LMX1A: variants seen among roughly 807,000 people sequenced by gnomAD.
The protein encoded by LMX1A is LIM homeobox transcription factor 1 alpha.
A neutral mutation model predicts 49.1 loss-of-function variants in LMX1A; 15 were observed. The observed-to-expected ratio is 0.31, with a 90% CI of 0.20 to 0.47. The LOEUF (loss-of-function observed/expected upper bound fraction) is 0.47. Among genes scored for constraint, LMX1A ranks in the 20% least tolerant of loss-of-function variants. The pLI is 1.00. For synonymous variants in LMX1A, 167 were observed against 185.7 expected (o/e 0.90, Z 0.82); for missense variants, 372 against 475.8 (o/e 0.78, Z 2.03).
chr1:165,232,073 CA>C (rs1034223531), intron 4 of LMX1A, among the ~76,000 whole-genome samples: 21 of 151,990 alleles, frequency 1.4e-4, no homozygotes, highest in African/African-American at 4.1e-4. Flanking sequence ...TACCCAAGGT[CA>C]AAAAAAGTGA....
chr1:165,211,415 T>C (rs928537869), intron 5 of LMX1A: 2 of 152,172 alleles, frequency 1.3e-5, no homozygotes, highest in African/African-American at 4.8e-5. Flanking sequence ...AATAAAGAGA[T>C]GCATTTAAAC....
chr1:165,213,785 G>T lies in LMX1A; in HGVS notation c.525C>A (p.Cys175Ter). Reference protein sequence around the residue: ...SGKSDDEESLCKSAHGAGKGT... With the variant: ...SGKSDDEESL ...CTTTCCCTGCCCCATGGGCTGACTT[G>T]CAGAGACTTTCTTCATCATCACTTT... The change falls in exon 5 of 9, where the codon TGC becomes TGA. Residue 175 changes from cysteine to a stop codon, truncating the protein, a stop_gained. Coordinates refer to ENST00000342310, the MANE Select transcript of LMX1A (RefSeq NM_177398.4). LOFTEE classifies it high-confidence loss of function. 1 of 1,614,066 alleles carries T rather than the reference G, an allele frequency of 6.2e-7. No individual in the cohort carries two copies. The highest frequency in any genetic ancestry group is 8.5e-7 in the Non-Finnish European group (1 of 1,179,990).
At chr1:165,299,907 C>T (rs567116062) in intron 3 of LMX1A, among the ~76,000 whole-genome samples, 1 of 152,128 alleles carries the variant, frequency 6.6e-6, no homozygotes, top group Non-Finnish European at 1.5e-5. Context: ...CTGACCTCCC[C>T]CAAGACAGGG....
At chr1:165,244,565 C>T (rs1652773508) in intron 4 of LMX1A, among the ~76,000 whole-genome samples, 1 of 152,076 alleles carries the variant, frequency 6.6e-6, no homozygotes, top group African/African-American at 2.4e-5. Context: ...GTGGGGAAAA[C>T]CCCTACACAG....
intron 4 of LMX1A, among the ~76,000 whole-genome samples, chr1:165,226,040 CT>C (rs1421535328): frequency 6.6e-6 from 1 of 151,512 alleles, no homozygotes; most frequent in Non-Finnish European, 1.5e-5. Flanking sequence ...TTACAACCAT[CT>C]TTTCCTCTTT....
intron 3 of LMX1A, among the ~76,000 whole-genome samples, chr1:165,281,846 C>T (rs189350325): frequency 9.7e-4 from 148 of 152,084 alleles, no homozygotes; most frequent in Non-Finnish European, 1.9e-3. Context: ...AGTTACCTGT[C>T]GACTGACCAG....
At chr1:165,291,934 C>T (rs929489424) in intron 3 of LMX1A, among the ~76,000 whole-genome samples, 10 of 151,768 alleles carry the variant, frequency 6.6e-5, no homozygotes, top group Non-Finnish European at 1.0e-4. Context: ...TGGTGGCGCG[C>T]GCTTGTAGTC....
intron 4 of LMX1A, among the ~76,000 whole-genome samples, chr1:165,229,554 A>C (rs1652167825): frequency 6.6e-6 from 1 of 152,214 alleles, no homozygotes; most frequent in Non-Finnish European, 1.5e-5. Context: ...AAGGCACTTA[A>C]CCTCAATTTT....
At chr1:165,222,122 T>C (rs1022793504) in intron 4 of LMX1A, among the ~76,000 whole-genome samples, 5 of 152,184 alleles carry the variant, frequency 3.3e-5, no homozygotes, top group African/African-American at 7.2e-5. Context: ...TACTGGCAAC[T>C]GAAATATCAG....
intron 3 of LMX1A, among the ~76,000 whole-genome samples, chr1:165,318,827 C>T (rs1467845848): frequency 6.6e-6 from 1 of 152,116 alleles, no homozygotes; most frequent in Admixed American, 6.5e-5. Flanking sequence ...TAGAAAGGGC[C>T]TGGATTGCTG....
intron 3 of LMX1A, among the ~76,000 whole-genome samples, chr1:165,276,051 T>C (rs1192990066): frequency 6.6e-6 from 1 of 151,758 alleles, no homozygotes; most frequent in Non-Finnish European, 1.5e-5. Flanking sequence ...CCCGAGAGGC[T>C]GGCAGGAAGA....
At chr1:165,351,137 T>C (rs1656415583) in intron 3 of LMX1A, among the ~76,000 whole-genome samples, 1 of 152,058 alleles carries the variant, frequency 6.6e-6, no homozygotes, top group South Asian at 2.1e-4. Flanking sequence ...CAGACAGCTG[T>C]GTTGACCCTT....
chr1:165,206,917 A>G (rs534822233), intron 7 of LMX1A, among the ~76,000 whole-genome samples: 8 of 152,310 alleles, frequency 5.3e-5, no homozygotes, highest in Non-Finnish European at 1.2e-4. Context: ...TCTTGGCTGC[A>G]AGAGTCAAAT....
chr1:165,340,503 G>C lies in LMX1A; in HGVS notation c.263+12573C>G, dbSNP rs564648602. Among the ~76,000 whole-genome samples the C allele has an allele frequency of 2.6e-5, 4 of 152,286 alleles. No individual in the cohort carries two copies. In the South Asian group the frequency reaches 6.2e-4, roughly 24 times the overall value. On this transcript the variant is annotated intron_variant, in intron 3 of 8. Coordinates refer to ENST00000342310, the MANE Select transcript of LMX1A (RefSeq NM_177398.4). ...CACTCTGATGTTCTCCCCTGCCTCT[G>C]TGTCATCTCATTACAGAATCTCCCA...
chr1:165,329,638 A>G (rs6426909), intron 3 of LMX1A, among the ~76,000 whole-genome samples: 21,845 of 151,018 alleles, frequency 0.14, 2,178 homozygotes, highest in Non-Finnish European at 0.22. Context: ...ACTGCAAAAA[A>G]AAAAACCTTA....
At chr1:165,252,952 CATTCTTTCATTT>C (rs1653110396) in intron 3 of LMX1A, among the ~76,000 whole-genome samples, 1 of 152,308 alleles carries the variant, frequency 6.6e-6, no homozygotes, top group Admixed American at 6.5e-5. Flanking sequence ...TCTTTTCATT[CATTCTTTCATTT>C]ATTCAGAAGC....
chr1:165,310,012 G>A (rs1021244248), intron 3 of LMX1A, among the ~76,000 whole-genome samples: 3 of 152,144 alleles, frequency 2.0e-5, no homozygotes, highest in Non-Finnish European at 4.4e-5. Context: ...TTTGTTATCC[G>A]ATGCCCTACT....
chr1:165,297,467 A>G (rs1654648138), intron 3 of LMX1A, among the ~76,000 whole-genome samples: 1 of 152,168 alleles, frequency 6.6e-6, no homozygotes, highest in South Asian at 2.1e-4. Flanking sequence ...GTGGAAGTTG[A>G]AACAGTCTAA....
At chr1:165,269,727 G>T (rs1653737916) in intron 3 of LMX1A, among the ~76,000 whole-genome samples, 1 of 152,192 alleles carries the variant, frequency 6.6e-6, no homozygotes, top group Non-Finnish European at 1.5e-5. Flanking sequence ...AAAGGAATGA[G>T]ATCACGTCCT....
Sources: gnomAD v4.1 joint callset for allele counts (sites outside exome capture counted in the v4.1 genomes callset) on GRCh38, gnomAD v4.1.1 for gene constraint, MANE v1.5 for transcripts, NCBI Gene and HGNC (gene_info 2026-07-23, HGNC 2026-07-21) for gene names.